The following MARCHF1 variants were observed in gnomAD, a reference collection of about 807,000 sequenced individuals.
MARCHF1 encodes the protein E3 ubiquitin-protein ligase MARCHF1.
A neutral mutation model predicts 54.2 loss-of-function variants in MARCHF1; 40 were observed. That is an observed-to-expected ratio of 0.74 (90% CI 0.57 to 0.96). The LOEUF (loss-of-function observed/expected upper bound fraction) is 0.96, where lower values mean the gene tolerates loss of function less well. Ranked by LOEUF, MARCHF1 falls within the 40% of genes least tolerant of loss-of-function variation. The probability of loss-of-function intolerance (pLI) is 0.00; values close to 1 mark genes in which losing one functional copy is unlikely to be tolerated. For missense variants in MARCHF1, 586 were observed against 656.5 expected (o/e 0.89, Z 1.17); for synonymous variants, 236 against 236.3 (o/e 1.00, Z 0.01).
At chr4:164,015,704 GA>G (rs375569183) in intron 2 of MARCHF1, among the ~76,000 whole-genome samples, 1,756 of 148,542 alleles carry the variant, frequency 0.012, 28 homozygotes, top group African/African-American at 0.038. Context: ...AATAGTATAT[GA>G]AAAAAAAAAT....
intron 1 of MARCHF1, among the ~76,000 whole-genome samples, chr4:164,307,022 T>G (rs114251914): frequency 7.2e-5 from 11 of 152,176 alleles, no homozygotes; most frequent in Non-Finnish European, 1.3e-4. Flanking sequence ...TATATAAAGT[T>G]AAAATTTACT....
intron 2 of MARCHF1, among the ~76,000 whole-genome samples, chr4:164,002,919 CA>C (rs1293992699): frequency 2.0e-5 from 3 of 151,790 alleles, no homozygotes; most frequent in Admixed American, 1.3e-4. Context: ...GAATTAAACA[CA>C]AATGAAAACA....
chr4:164,199,681 C>CACAGAGAGAGAG (rs1462208986), intron 1 of MARCHF1, among the ~76,000 whole-genome samples: 70 of 47,640 alleles, frequency 1.5e-3, no homozygotes, highest in African/African-American at 5.1e-3. Flanking sequence ...CACACACACA[C>CACAGAGAGAGAG]AGAGAGAGAG....
chr4:163,844,871 A>G (rs773324336), intron 4 of MARCHF1, among the ~76,000 whole-genome samples: 4 of 152,216 alleles, frequency 2.6e-5, no homozygotes, highest in Non-Finnish European at 4.4e-5. Flanking sequence ...TGTGTTGCAG[A>G]TGGAGAATCA....
chr4:163,603,349 C>A (rs1457964362), intron 7 of MARCHF1, among the ~76,000 whole-genome samples: 1 of 152,100 alleles, frequency 6.6e-6, no homozygotes, highest in Non-Finnish European at 1.5e-5. Context: ...CCCCTAGATT[C>A]ACGTTCAGCT....
Position 163,605,868 on chromosome 4 carries a change from G to C in MARCHF1, c.1010+6403C>G, listed in dbSNP as rs546899685. On this transcript the variant is annotated intron_variant, in intron 7 of 9. Transcript: ENST00000514618. ...GGGAGTTGAACAATTAGAACACATGGACACAGGGAGGGGAACATCACACAC... is the reference window on the plus strand; with the variant it reads ...GGGAGTTGAACAATTAGAACACATGCACACAGGGAGGGGAACATCACACAC... Among the ~76,000 whole-genome samples, 450 of 152,076 alleles carry C rather than the reference G, an allele frequency of 3.0e-3. 5 individuals are homozygous for C. The highest frequency in any genetic ancestry group is 0.01 in the African/African-American group (432 of 41,490).
intron 2 of MARCHF1, among the ~76,000 whole-genome samples, chr4:163,990,374 G>A (rs2110891214): frequency 6.6e-6 from 1 of 152,136 alleles, no homozygotes; most frequent in African/African-American, 2.4e-5. Context: ...AAAAATTACA[G>A]ATGTTTCTGA....
intron 1 of MARCHF1, among the ~76,000 whole-genome samples, chr4:164,262,210 G>A (rs185361085): frequency 2.0e-5 from 3 of 152,076 alleles, no homozygotes; most frequent in African/African-American, 7.2e-5. Context: ...AGCCTGATAG[G>A]GAGAAGATGC....
At position 163,915,481 on chromosome 4, in the gene MARCHF1, A is replaced by G. The variant is rs116489133; in HGVS notation, c.-38-61312T>C. On this transcript the variant is annotated intron_variant, in intron 3 of 9. Coordinates refer to ENST00000514618, the MANE Select transcript of MARCHF1 (RefSeq NM_001394959.1). ...ACATGAAAACTAAATGTAATATGGT[A>G]TCCTGGATGAACTCCTGGAACAGAA... is the stretch of plus-strand genomic sequence containing the variant. Among the ~76,000 whole-genome samples, 517 of 152,286 alleles carry G rather than the reference A, an allele frequency of 3.4e-3. 5 individuals are homozygous for G. The highest frequency in any genetic ancestry group is 0.011 in the African/African-American group (473 of 41,562).
chr4:163,749,408 T>C (rs1381721850), intron 4 of MARCHF1, among the ~76,000 whole-genome samples: 1 of 152,122 alleles, frequency 6.6e-6, no homozygotes, highest in East Asian at 1.9e-4. Context: ...TGTTTTCCAA[T>C]TTTTATGGCT....
At chr4:164,055,461 T>A (rs959851068) in intron 2 of MARCHF1, among the ~76,000 whole-genome samples, 1 of 135,586 alleles carries the variant, frequency 7.4e-6, no homozygotes, top group African/African-American at 2.6e-5. Flanking sequence ...AAAAAAAAAA[T>A]TAGGAATAGG....
intron 4 of MARCHF1, among the ~76,000 whole-genome samples, chr4:163,737,186 A>G (rs1277719001): frequency 5.5e-5 from 3 of 54,072 alleles, no homozygotes; most frequent in African/African-American, 1.4e-4. Flanking sequence ...TTTTTTTCAC[A>G]TATTAGTTTA....
At chr4:163,848,827 T>C (rs1282098657) in intron 4 of MARCHF1, among the ~76,000 whole-genome samples, 1 of 152,112 alleles carries the variant, frequency 6.6e-6, no homozygotes, top group Non-Finnish European at 1.5e-5. Context: ...TATTCCGAAT[T>C]TAAAACACAG....
At chr4:164,185,429 T>C (rs953480346) in intron 1 of MARCHF1, among the ~76,000 whole-genome samples, 1 of 152,204 alleles carries the variant, frequency 6.6e-6, no homozygotes, top group African/African-American at 2.4e-5. Context: ...TCTTGAGTCC[T>C]GCACATGTCA....
intron 4 of MARCHF1, among the ~76,000 whole-genome samples, chr4:163,726,688 T>C (rs2111310907): frequency 6.6e-6 from 1 of 152,370 alleles, no homozygotes; most frequent in East Asian, 1.9e-4. Context: ...ACAAACTATC[T>C]TCTAAATTGG....
chr4:163,691,350 GT>G (rs1744450582), intron 5 of MARCHF1, among the ~76,000 whole-genome samples: 1 of 152,178 alleles, frequency 6.6e-6, no homozygotes, highest in African/African-American at 2.4e-5. Flanking sequence ...TCAGATGTTG[GT>G]GATGGATGAC....
intron 5 of MARCHF1, chr4:163,613,660 AT>A (rs1224590879): frequency 7.3e-7 from 1 of 1,377,044 alleles, no homozygotes; most frequent in Non-Finnish European, 9.4e-7. Flanking sequence ...TTTCTATTCT[AT>A]TTACTGTAAT....
chr4:164,121,926 A>T (rs1756075417), intron 1 of MARCHF1, among the ~76,000 whole-genome samples: 1 of 152,164 alleles, frequency 6.6e-6, no homozygotes, highest in Non-Finnish European at 1.5e-5. Context: ...TCTGATGAAT[A>T]TTGATGCAAA....
intron 4 of MARCHF1, among the ~76,000 whole-genome samples, chr4:163,745,951 C>T (rs1478644176): frequency 6.6e-6 from 1 of 152,114 alleles, no homozygotes; most frequent in Non-Finnish European, 1.5e-5. Context: ...GCATAGCCTC[C>T]CCCATTATCA....
Sources: allele counts gnomAD v4.1 joint callset (sites outside exome capture counted in the v4.1 genomes callset), GRCh38; gene constraint gnomAD v4.1.1; transcripts MANE v1.5; gene names NCBI Gene and HGNC (gene_info 2026-07-23, HGNC 2026-07-21).